Variants in DNAJC1 observed in about 807,000 individuals in gnomAD.
The protein encoded by DNAJC1 is DnaJ heat shock protein family (Hsp40) member C1.
In DNAJC1, 58 loss-of-function variants were observed where a neutral mutation model predicts 76.6. The ratio of observed to expected loss-of-function variants is 0.76; its 90% confidence interval spans 0.61 to 0.94. The LOEUF (loss-of-function observed/expected upper bound fraction) is 0.94. Ranked by LOEUF, DNAJC1 falls within the 40% of genes least tolerant of loss-of-function variation. The pLI, the probability that DNAJC1 is intolerant of heterozygous loss-of-function variation, is 0.00. For synonymous variants in DNAJC1, 258 were observed against 267.9 expected (o/e 0.96, Z 0.36); for missense variants, 689 against 677.3 (o/e 1.02, Z -0.19).
chr10:21,914,912 A>C (rs1319564104), intron 6 of DNAJC1, among the ~76,000 whole-genome samples: 1 of 152,132 alleles, frequency 6.6e-6, no homozygotes, highest in African/African-American at 2.4e-5. Context: ...TACTTCTCTG[A>C]CTATCTACAG....
chr10:21,772,490 A>G (rs1004692711), intron 9 of DNAJC1, among the ~76,000 whole-genome samples: 2 of 152,060 alleles, frequency 1.3e-5, no homozygotes, highest in African/African-American at 4.8e-5. Context: ...TTTCACTTCT[A>G]TTAGAAAAAT....
At chr10:21,905,258 A>G (rs1465164724) in intron 6 of DNAJC1, among the ~76,000 whole-genome samples, 1 of 140,526 alleles carries the variant, frequency 7.1e-6, no homozygotes, top group African/African-American at 2.6e-5. Context: ...GTGGTGTACC[A>G]AAAAAAAAAA....
chr10:21,757,869 G>A (rs1834194244), intron 11 of DNAJC1, among the ~76,000 whole-genome samples: 1 of 152,128 alleles, frequency 6.6e-6, no homozygotes, highest in Non-Finnish European at 1.5e-5. Flanking sequence ...AAAACCGGAA[G>A]GTTTCCAGCC....
At chr10:21,817,017 G>A (rs532896155) in intron 8 of DNAJC1, among the ~76,000 whole-genome samples, 346 of 149,672 alleles carry the variant, frequency 2.3e-3, no homozygotes, top group South Asian at 8.7e-3. Context: ...AAAATTAGCC[G>A]GGCGTGGTGG....
intron 8 of DNAJC1, among the ~76,000 whole-genome samples, chr10:21,843,651 C>T (rs969611999): frequency 4.6e-5 from 7 of 152,076 alleles, no homozygotes; most frequent in African/African-American, 1.4e-4. Context: ...CTCAGCCTCC[C>T]AAAGTGCTGG....
intron 8 of DNAJC1, among the ~76,000 whole-genome samples, chr10:21,873,816 G>A (rs1257795571): frequency 1.3e-5 from 2 of 152,128 alleles, no homozygotes; most frequent in African/African-American, 4.8e-5. Flanking sequence ...AGGTTGATGA[G>A]AACATAATAT....
chr10:21,908,231 T>G (rs1267252217), intron 6 of DNAJC1, among the ~76,000 whole-genome samples: 2 of 52,060 alleles, frequency 3.8e-5, no homozygotes, highest in Non-Finnish European at 3.0e-5. Flanking sequence ...ATAATATATA[T>G]AAAATATATA....
chr10:21,778,233 C>G (rs1194888494), intron 9 of DNAJC1, among the ~76,000 whole-genome samples: 1 of 152,132 alleles, frequency 6.6e-6, no homozygotes, highest in Non-Finnish European at 1.5e-5. Flanking sequence ...GATGAGAAAA[C>G]TGACTGAAGC....
At chr10:21,765,575 G>A (rs189738835) in intron 10 of DNAJC1, among the ~76,000 whole-genome samples, 127 of 152,300 alleles carry the variant, frequency 8.3e-4, no homozygotes, top group African/African-American at 2.9e-3. Context: ...GGCTGAGCAC[G>A]GTGGCTCACG....
chr10:21,883,068 G>C (rs1009369825), intron 7 of DNAJC1, among the ~76,000 whole-genome samples: 2 of 151,990 alleles, frequency 1.3e-5, no homozygotes, highest in Non-Finnish European at 2.9e-5. Context: ...TGGGCAAAAT[G>C]GCAAAACCCT....
At chr10:21,990,999 A>G (rs1037037073) in intron 1 of DNAJC1, among the ~76,000 whole-genome samples, 1 of 152,206 alleles carries the variant, frequency 6.6e-6, no homozygotes, top group African/African-American at 2.4e-5. Context: ...CTAGTAAAAA[A>G]GGGTGATGTT....
chr10:21,869,474 C>T (rs762709790), intron 8 of DNAJC1, among the ~76,000 whole-genome samples: 6 of 152,196 alleles, frequency 3.9e-5, no homozygotes, highest in African/African-American at 9.6e-5. Flanking sequence ...ATACCTTATA[C>T]GTATTGATTT....
chr10:21,868,852 T>C (rs1836054408), intron 8 of DNAJC1, among the ~76,000 whole-genome samples: 3 of 152,026 alleles, frequency 2.0e-5, no homozygotes, highest in Non-Finnish European at 4.4e-5. Context: ...CCTCCTCCCT[T>C]TGGAGTTTAG....
intron 8 of DNAJC1, among the ~76,000 whole-genome samples, chr10:21,871,750 C>T (rs931083105): frequency 1.3e-5 from 2 of 151,244 alleles, no homozygotes; most frequent in African/African-American, 4.9e-5. Context: ...CGGGTTCAGA[C>T]GCTTCTTGTG....
chr10:21,811,973 T>C (rs1834974023), intron 8 of DNAJC1, among the ~76,000 whole-genome samples: 1 of 152,224 alleles, frequency 6.6e-6, no homozygotes, highest in Non-Finnish European at 1.5e-5. Context: ...ACACTTGACA[T>C]GGTCAGTTGT....
At chr10:21,871,340 GAAAA>G (rs755212716) in intron 8 of DNAJC1, among the ~76,000 whole-genome samples, 2 of 98,928 alleles carry the variant, frequency 2.0e-5, no homozygotes, top group African/African-American at 3.6e-5. Flanking sequence ...TAGAAGCGGG[GAAAA>G]AAAAAAAAAA....
At chr10:21,817,028 C>T (rs1441365910) in intron 8 of DNAJC1, among the ~76,000 whole-genome samples, 5 of 149,060 alleles carry the variant, frequency 3.4e-5, no homozygotes, top group South Asian at 4.2e-4. Flanking sequence ...GGCGTGGTGG[C>T]GGGTGCCTGT....
At chr10:21,886,820 A>C (rs1361769901) in intron 7 of DNAJC1, among the ~76,000 whole-genome samples, 1 of 151,942 alleles carries the variant, frequency 6.6e-6, no homozygotes, top group Non-Finnish European at 1.5e-5. Flanking sequence ...ATTCCCTTTG[A>C]AAATTGGCAC....
chr10:21,980,502 C>A (rs1297461422), intron 1 of DNAJC1, among the ~76,000 whole-genome samples: 1 of 152,048 alleles, frequency 6.6e-6, no homozygotes, highest in East Asian at 1.9e-4. Flanking sequence ...GTCCAATATT[C>A]TCCAAAAGTG....
Sources: allele counts gnomAD v4.1 joint callset (sites outside exome capture counted in the v4.1 genomes callset), GRCh38; gene constraint gnomAD v4.1.1; transcripts MANE v1.5; gene names NCBI Gene and HGNC (gene_info 2026-07-23, HGNC 2026-07-21).